RYR3: variants seen among roughly 807,000 people sequenced by gnomAD.
RYR3 encodes the protein ryanodine receptor 3, also known as brain ryanodine receptor-calcium release channel.
A neutral mutation model predicts 584.3 loss-of-function variants in RYR3; 207 were observed. The observed-to-expected ratio is 0.35, with a 90% CI of 0.32 to 0.40. The LOEUF (loss-of-function observed/expected upper bound fraction) is 0.40. RYR3 is among the 10% of genes least tolerant of loss of function. The pLI is 1.00. For synonymous variants in RYR3, 2,416 were observed against 2,248.5 expected, an observed-to-expected ratio of 1.07 and a Z score of -2.11; for missense variants, 5,616 against 6,089.2, an observed-to-expected ratio of 0.92 and a Z score of 2.59.
intron 1 of RYR3, among the ~76,000 whole-genome samples, chr15:33,454,850 C>T (rs1382662176): frequency 6.6e-6 from 1 of 152,130 alleles, no homozygotes; most frequent in Non-Finnish European, 1.5e-5. Context: ...CGGGTAGGAA[C>T]TAAGGCTATA....
Position 33,771,945 on chromosome 15 carries a change from C to G in RYR3, c.8842C>G (p.Leu2948Val). 2 of 1,612,560 alleles carry G rather than the reference C, an allele frequency of 1.2e-6. No homozygotes were observed. The highest frequency in any genetic ancestry group is 8.5e-7 in the Non-Finnish European group (1 of 1,179,266). Residue 2948 changes from leucine to valine, a missense_variant, in exon 63 of 104, where the codon CTG becomes GTG. Leu to Val is a conservative substitution (Grantham distance 32). This residue lies in a region of RYR3 where 1,280 missense variants were observed against 1,426.2 expected (regional missense o/e 0.90). Coordinates refer to ENST00000634891, the MANE Select transcript of RYR3 (RefSeq NM_001036.6). Reference protein sequence around the residue: ...TRTVMKSGSELVKAGLRAFFE... With the variant: ...TRTVMKSGSEVVKAGLRAFFE... The stretch of plus-strand genomic sequence containing the variant: ...GACTGTCATGAAGTCAGGCTCAGAG[C>G]TGGTGAAGGCTGGGTTACGAGCATT...
rs10543732 is a variant in RYR3 at position 33,510,593 on chromosome 15, A to AT, written c.279+6871dup. 9.5e-3 allele frequency among the ~76,000 whole-genome samples: 1,340 copies of AT among 140,770 alleles called. 10 individuals are homozygous for AT. The highest frequency in any genetic ancestry group is 0.018 in the African/African-American group (697 of 38,800). 92.4% of individuals were successfully genotyped at this position (140,770 alleles called of 152,430 possible). On this transcript the variant is annotated intron_variant, in intron 3 of 103. Transcript: ENST00000634891. ...ACTAAGCATTGAGTACATAATTTTAATTTTTTTTTTTTTTTTGAGACAAGG... is the reference window on the plus strand; with the variant it reads ...ACTAAGCATTGAGTACATAATTTTAATTTTTTTTTTTTTTTTTGAGACAAGG...
chr15:33,836,187 T>TC, intron 87 of RYR3, among the ~76,000 whole-genome samples: 1 of 12,070 alleles, frequency 8.3e-5, no homozygotes, highest in Middle Eastern at 0.062. Context: ...TTCTTTTCTT[T>TC]CCTTTTTTTT....
chr15:33,807,794 A>C, intron 70 of RYR3: 1 of 576,576 alleles, frequency 1.7e-6, no homozygotes, highest in Non-Finnish European at 3.1e-6. Flanking sequence ...GCCTCACCCT[A>C]ACCGAGGTCT....
At chr15:33,737,604 C>G (rs58783561) in intron 49 of RYR3, among the ~76,000 whole-genome samples, 1,596 of 152,268 alleles carry the variant, frequency 0.01, 29 homozygotes, top group African/African-American at 0.036. Context: ...TTTGTATGTT[C>G]TTAGAGATTC....
chr15:33,421,828 T>C (rs16970801), intron 1 of RYR3, among the ~76,000 whole-genome samples: 31,314 of 152,104 alleles, frequency 0.21, 3,377 homozygotes, highest in East Asian at 0.36. Flanking sequence ...AGTAACCCAA[T>C]TGTCAGATGT....
chr15:33,650,650 C>G (rs1383769982), intron 31 of RYR3, among the ~76,000 whole-genome samples: 2 of 152,184 alleles, frequency 1.3e-5, no homozygotes, highest in Non-Finnish European at 2.9e-5. Flanking sequence ...CATCTTCCAC[C>G]TATACCAAAA....
At chr15:33,765,649 A>G (rs886782888) in intron 60 of RYR3, among the ~76,000 whole-genome samples, 8 of 150,842 alleles carry the variant, frequency 5.3e-5, no homozygotes, top group Middle Eastern at 3.2e-3. Flanking sequence ...AAAAAAAAAA[A>G]AAAAAAGAAA....
chr15:33,382,292 C>T (rs945536310), intron 1 of RYR3, among the ~76,000 whole-genome samples: 1 of 149,116 alleles, frequency 6.7e-6, no homozygotes, highest in African/African-American at 2.5e-5. Flanking sequence ...CATAAATATC[C>T]ACAGGAACTG....
At chr15:33,743,086 A>T (rs72715106) in intron 52 of RYR3, among the ~76,000 whole-genome samples, 20,635 of 152,052 alleles carry the variant, frequency 0.14, 1,498 homozygotes, top group South Asian at 0.25. Flanking sequence ...CCAGTTAAGG[A>T]TTGGGGCCAT....
chr15:33,819,623 G>A lies in RYR3; in HGVS notation c.10707-133G>A, dbSNP rs555780744. ...CAGGAGGCGGAGGTTGCAGTGAGCC[G>A]AGATCGCGTCATTGCACTCCAGCCT... On this transcript the variant is annotated intron_variant, in intron 76 of 103. Transcript: ENST00000634891. The A allele has an allele frequency of 2.0e-5, 9 of 443,638 alleles. No individual in the cohort carries two copies. The South Asian group carries it at 5.5e-4, about 27-fold the overall frequency. 27.5% of individuals were successfully genotyped at this position (443,638 alleles called of 1,614,324 possible).
At chr15:33,331,946 A>G (rs1028954593) in intron 1 of RYR3, among the ~76,000 whole-genome samples, 1 of 152,062 alleles carries the variant, frequency 6.6e-6, no homozygotes, top group Non-Finnish European at 1.5e-5. Flanking sequence ...TCCTTTTATC[A>G]TTGTAGGAGG....
At chr15:33,546,417 C>T (rs1455692923) in intron 8 of RYR3, among the ~76,000 whole-genome samples, 1 of 152,134 alleles carries the variant, frequency 6.6e-6, no homozygotes, top group Non-Finnish European at 1.5e-5. Context: ...GGTGTAGGAA[C>T]TCTAAAGCAA....
At chr15:33,754,861 T>C (rs1043833916) in intron 57 of RYR3, among the ~76,000 whole-genome samples, 7 of 152,246 alleles carry the variant, frequency 4.6e-5, no homozygotes, top group Non-Finnish European at 8.8e-5. Flanking sequence ...ATTGTATGAA[T>C]GATAAAGGTC....
intron 20 of RYR3, 69 bp from the exon 21 acceptor site, chr15:33,628,402 C>G: frequency 8.8e-7 from 1 of 1,130,756 alleles, no homozygotes; most frequent in South Asian, 1.3e-5. Flanking sequence ...AGTGGGGTGC[C>G]CAGCTCCTAT....
At chr15:33,768,235 C>T (rs769801379) in intron 60 of RYR3, among the ~76,000 whole-genome samples, 1 of 152,218 alleles carries the variant, frequency 6.6e-6, no homozygotes, top group Non-Finnish European at 1.5e-5. Flanking sequence ...AAACTTCATA[C>T]CCTCAATGGA....
chr15:33,612,031 T>C (rs1287005625), intron 18 of RYR3, among the ~76,000 whole-genome samples: 2 of 152,212 alleles, frequency 1.3e-5, no homozygotes, highest in African/African-American at 4.8e-5. Context: ...AAACAAGATA[T>C]CTTTTTATCT....
At chr15:33,789,894 T>G (rs2075039356) in intron 67 of RYR3, among the ~76,000 whole-genome samples, 1 of 147,172 alleles carries the variant, frequency 6.8e-6, no homozygotes, top group South Asian at 2.1e-4. Context: ...CAGGGTGGTT[T>G]CAAAGTCCTG....
At chr15:33,658,330 A>T (rs1420363996) in intron 32 of RYR3, among the ~76,000 whole-genome samples, 1 of 152,190 alleles carries the variant, frequency 6.6e-6, no homozygotes, top group Non-Finnish European at 1.5e-5. Flanking sequence ...CGCCCCCAAG[A>T]ATTCCTTGTT....
Sources: gnomAD v4.1 joint callset for allele counts (sites outside exome capture counted in the v4.1 genomes callset) on GRCh38, gnomAD v4.1.1 for gene constraint, gnomAD v4.1.1 regional missense constraint, MANE v1.5 for transcripts, NCBI Gene and HGNC (gene_info 2026-07-23, HGNC 2026-07-21) for gene names.